The following CDK17 variants were observed in gnomAD, a reference collection of about 807,000 sequenced individuals.
CDK17 encodes the protein cyclin-dependent kinase 17.
In CDK17, 24 loss-of-function variants were observed where a neutral mutation model predicts 77.6. The ratio of observed to expected loss-of-function variants is 0.31; its 90% confidence interval spans 0.22 to 0.44. The LOEUF (loss-of-function observed/expected upper bound fraction) is 0.44, where lower values mean the gene tolerates loss of function less well. Ranked by LOEUF, CDK17 falls within the 20% of genes least tolerant of loss-of-function variation. CDK17 has a pLI of 1.00. For missense variants in CDK17, 429 were observed against 622.5 expected, an observed-to-expected ratio of 0.69 and a Z score of 3.31; for synonymous variants, 203 against 210.4, an observed-to-expected ratio of 0.96 and a Z score of 0.30.
intron 2 of CDK17, among the ~76,000 whole-genome samples, chr12:96,334,248 T>C (rs9308300): frequency 0.44 from 66,157 of 152,024 alleles, 15,439 homozygotes; most frequent in African/African-American, 0.59. Context: ...ACAAGCTCTT[T>C]TTATTTTAAC....
chr12:96,373,420 C>T (rs926286196), intron 1 of CDK17, among the ~76,000 whole-genome samples: 1 of 151,636 alleles, frequency 6.6e-6, no homozygotes, highest in Non-Finnish European at 1.5e-5. Context: ...TGGCGAAACC[C>T]CGTCTCTACT....
chr12:96,388,553 G>A (rs1337809625), intron 1 of CDK17, among the ~76,000 whole-genome samples: 1 of 152,152 alleles, frequency 6.6e-6, no homozygotes, highest in African/African-American at 2.4e-5. Context: ...TCATTCAATT[G>A]TCCTTGTGAA....
intron 1 of CDK17, among the ~76,000 whole-genome samples, chr12:96,392,164 A>T (rs1954080072): frequency 6.6e-6 from 1 of 152,252 alleles, no homozygotes; most frequent in African/African-American, 2.4e-5. Context: ...AATACTATAT[A>T]GCAGAACCAC....
chr12:96,358,558 A>C (rs1004030818), intron 1 of CDK17, among the ~76,000 whole-genome samples: 6 of 152,168 alleles, frequency 3.9e-5, no homozygotes, highest in Non-Finnish European at 2.9e-5. Context: ...CACATGGCTC[A>C]CATCTGTAAT....
At chr12:96,286,020 T>C (rs1952241316) in intron 13 of CDK17, 23 bp downstream of exon 13, 2 of 1,209,836 alleles carry the variant, frequency 1.7e-6, no homozygotes, top group Non-Finnish European at 2.4e-6. Flanking sequence ...TTTTCCCCCC[T>C]TTCACATAAG....
At chr12:96,289,964 A>G (rs896044881) in intron 10 of CDK17, among the ~76,000 whole-genome samples, 6 of 152,144 alleles carry the variant, frequency 3.9e-5, no homozygotes, top group Non-Finnish European at 8.8e-5. Context: ...CTGGGCTACA[A>G]TGGAAGAACT....
At chr12:96,329,906 C>T (rs1952944073) in intron 2 of CDK17, among the ~76,000 whole-genome samples, 1 of 152,180 alleles carries the variant, frequency 6.6e-6, no homozygotes, top group Admixed American at 6.5e-5. Flanking sequence ...TTTGGAATAT[C>T]AGGAAAACCA....
chr12:96,295,372 A>C (rs1471796957), intron 9 of CDK17: 1 of 242,962 alleles, frequency 4.1e-6, no homozygotes, highest in African/African-American at 2.2e-5. Context: ...ATATTTTTTA[A>C]AAAGTAACTT....
intron 2 of CDK17, among the ~76,000 whole-genome samples, chr12:96,326,957 T>A (rs1303722373): frequency 2.0e-5 from 3 of 152,198 alleles, no homozygotes; most frequent in African/African-American, 7.2e-5. Context: ...ATGATCTGAT[T>A]CATGTTTCAA....
chr12:96,397,402 T>C (rs1954189904), intron 1 of CDK17, among the ~76,000 whole-genome samples: 1 of 152,158 alleles, frequency 6.6e-6, no homozygotes, highest in African/African-American at 2.4e-5. Flanking sequence ...TATGTATGTA[T>C]CTCTTTTTGT....
intron 5 of CDK17, among the ~76,000 whole-genome samples, chr12:96,301,211 T>C (rs1353885451): frequency 6.9e-6 from 1 of 145,516 alleles, no homozygotes; most frequent in Admixed American, 7.0e-5. Flanking sequence ...GTAAGTCTAA[T>C]TCTGGCTACA....
chr12:96,353,550 T>A (rs1953344281), intron 1 of CDK17, among the ~76,000 whole-genome samples: 1 of 145,634 alleles, frequency 6.9e-6, no homozygotes, highest in South Asian at 2.3e-4. Flanking sequence ...CCAGAAGTTT[T>A]ACACACACTG....
chr12:96,309,552 A>G (rs1952620122), intron 5 of CDK17, among the ~76,000 whole-genome samples: 1 of 152,252 alleles, frequency 6.6e-6, no homozygotes, highest in South Asian at 2.1e-4. Context: ...ATATTAAGAA[A>G]ATATATTTGT....
At position 96,278,428 on chromosome 12, in the gene CDK17, C is replaced by G. The variant is rs1049001317; in HGVS notation, c.*1814G>C. ...TTACTAAGCAAATGATTGGCACAAA[C>G]AGAAAACAATAACACCTCTAGCACA... On this transcript the variant is annotated 3_prime_UTR_variant, in exon 17 of 17. Transcript: ENST00000261211. 1.3e-5 allele frequency: 2 copies of G among 152,050 alleles called. No individual in the cohort carries two copies. Among genetic ancestry groups the G allele is most frequent in the African/African-American group, 4.8e-5 (2 of 41,380 alleles). The allele number at this position is 152,050 out of a possible 1,614,324, so 9.4% of individuals were successfully genotyped here. A position where few individuals can be genotyped will look rare whatever the true frequency, so the allele number is the denominator to read the frequency against.
At chr12:96,316,577 C>G (rs1041303358) in intron 3 of CDK17, among the ~76,000 whole-genome samples, 1 of 146,032 alleles carries the variant, frequency 6.8e-6, no homozygotes, top group African/African-American at 2.5e-5. Context: ...TTGAAGAGAG[C>G]AGTGGTTCTC....
At chr12:96,309,344 C>T (rs139457745) in intron 5 of CDK17, among the ~76,000 whole-genome samples, 3,474 of 152,328 alleles carry the variant, frequency 0.023, 55 homozygotes, top group Middle Eastern at 0.041. Context: ...AGTGCTATCT[C>T]TGTAAGCTTG....
chr12:96,308,691 A>C (rs1427548802), intron 5 of CDK17, among the ~76,000 whole-genome samples: 2 of 150,258 alleles, frequency 1.3e-5, no homozygotes, highest in Non-Finnish European at 1.5e-5. Context: ...TTGCACCACT[A>C]CACTCCAGCT....
intron 1 of CDK17, among the ~76,000 whole-genome samples, chr12:96,392,766 T>C (rs1372114431): frequency 1.3e-5 from 2 of 151,952 alleles, no homozygotes; most frequent in African/African-American, 4.8e-5. Flanking sequence ...AGGTCTAGAT[T>C]AGAAATAAAG....
intron 1 of CDK17, among the ~76,000 whole-genome samples, chr12:96,393,942 A>G (rs1954119572): frequency 6.6e-6 from 1 of 152,160 alleles, no homozygotes; most frequent in Non-Finnish European, 1.5e-5. Context: ...CAATGCTGTT[A>G]CTTGATAGTT....
Sources: gnomAD v4.1 joint callset for allele counts (sites outside exome capture counted in the v4.1 genomes callset) on GRCh38, gnomAD v4.1.1 for gene constraint, MANE v1.5 for transcripts, NCBI Gene and HGNC (gene_info 2026-07-23, HGNC 2026-07-21) for gene names.